The following F13A1 variants were observed in gnomAD, a reference collection of about 807,000 sequenced individuals.
The protein encoded by F13A1 is coagulation factor XIII A chain, also known as FSF, A subunit.
In F13A1, 47 loss-of-function variants were observed where a neutral mutation model predicts 80.1. The ratio of observed to expected loss-of-function variants is 0.59; its 90% confidence interval spans 0.46 to 0.75. The LOEUF (loss-of-function observed/expected upper bound fraction) is 0.75. Ranked by LOEUF, F13A1 falls within the 30% of genes least tolerant of loss-of-function variation. F13A1 has a pLI of 0.00. For missense variants in F13A1, 817 were observed against 930.4 expected, an observed-to-expected ratio of 0.88 and a Z score of 1.59; for synonymous variants, 349 against 344.9, an observed-to-expected ratio of 1.01 and a Z score of -0.13.
At position 6,156,093 on chromosome 6, in the gene F13A1, C is replaced by T. The variant is rs116751551; in HGVS notation, c.1909-4144G>A. ...ATAAAGCATATGTCTTACTTGGTGA[C>T]GTCAAATGCTTTTGCATATACTTGA... is the stretch of plus-strand genomic sequence containing the variant. On this transcript the variant is annotated intron_variant, in intron 13 of 14. Coordinates refer to ENST00000264870, the MANE Select transcript of F13A1 (RefSeq NM_000129.4). Among the ~76,000 whole-genome samples the T allele has an allele frequency of 8.4e-3, 1,274 of 152,268 alleles. 6 individuals carry two copies. Among genetic ancestry groups the T allele is most frequent in the Non-Finnish European group, 0.013 (872 of 68,006 alleles).
chr6:6,242,475 G>C (rs1432110884), intron 6 of F13A1, among the ~76,000 whole-genome samples: 1 of 152,138 alleles, frequency 6.6e-6, no homozygotes, highest in Admixed American at 6.5e-5. Flanking sequence ...GATAGTCCAG[G>C]ATGGCAGCAG....
chr6:6,145,972 A>G (rs1164967318), intron 14 of F13A1, among the ~76,000 whole-genome samples, 200 bp from the exon 15 acceptor site: 1 of 152,140 alleles, frequency 6.6e-6, no homozygotes, highest in Non-Finnish European at 1.5e-5. Flanking sequence ...CCTGTCACTG[A>G]CAGTCTTATT....
chr6:6,298,054 C>T (rs918505096), intron 3 of F13A1, among the ~76,000 whole-genome samples: 1 of 150,770 alleles, frequency 6.6e-6, no homozygotes, highest in South Asian at 2.1e-4. Context: ...GTAGTTGAGC[C>T]GTTTTGAGTG....
intron 13 of F13A1, among the ~76,000 whole-genome samples, chr6:6,158,010 G>C (rs1465726373): frequency 6.6e-6 from 1 of 152,106 alleles, no homozygotes; most frequent in Non-Finnish European, 1.5e-5. Context: ...CATCTATCCT[G>C]GCTAAGGGCA....
chr6:6,293,395 C>T (rs1758251728), intron 3 of F13A1, among the ~76,000 whole-genome samples: 1 of 152,014 alleles, frequency 6.6e-6, no homozygotes, highest in Non-Finnish European at 1.5e-5. Flanking sequence ...CCTGTGATTA[C>T]CACTCCCCTC....
chr6:6,281,803 C>T (rs986557438), intron 3 of F13A1, among the ~76,000 whole-genome samples: 7 of 151,798 alleles, frequency 4.6e-5, no homozygotes, highest in South Asian at 2.1e-4. Context: ...ACCATCCTGG[C>T]GAACTTGGTG....
At chr6:6,198,094 GAC>G in intron 8 of F13A1, among the ~76,000 whole-genome samples, 1 of 152,180 alleles carries the variant, frequency 6.6e-6, no homozygotes, top group Admixed American at 6.5e-5. Context: ...TGTGGTCTTA[GAC>G]TATTACTGTA....
At chr6:6,168,551 A>G (rs1760717024) in intron 12 of F13A1, among the ~76,000 whole-genome samples, 1 of 152,206 alleles carries the variant, frequency 6.6e-6, no homozygotes, top group Non-Finnish European at 1.5e-5. Flanking sequence ...CCGCAGGTGA[A>G]TGGGTGACTC....
chr6:6,212,934 G>A (rs1761645822), intron 8 of F13A1, among the ~76,000 whole-genome samples: 1 of 152,140 alleles, frequency 6.6e-6, no homozygotes, highest in Admixed American at 6.5e-5. Flanking sequence ...TATCAGCGAT[G>A]GAAGATGAAA....
intron 3 of F13A1, chr6:6,305,076 ATTTG>A (rs1758492944): frequency 4.1e-6 from 2 of 490,320 alleles, no homozygotes; most frequent in Admixed American, 3.3e-5. Flanking sequence ...TGCCAAAACC[ATTTG>A]TTTGAGGAAG....
chr6:6,199,844 A>G (rs1480057728), intron 8 of F13A1, among the ~76,000 whole-genome samples: 1 of 152,152 alleles, frequency 6.6e-6, no homozygotes, highest in South Asian at 2.1e-4. Flanking sequence ...AAGAACTGCA[A>G]TAGTGGACCA....
At chr6:6,169,327 T>A (rs1256880857) in intron 12 of F13A1, 2 of 153,756 alleles carry the variant, frequency 1.3e-5, no homozygotes, top group Non-Finnish European at 2.9e-5. Context: ...AGCACCATCA[T>A]CACCTGGGAG....
At chr6:6,175,824 T>C (rs1002662981) in intron 11 of F13A1, among the ~76,000 whole-genome samples, 7 of 152,108 alleles carry the variant, frequency 4.6e-5, no homozygotes, top group African/African-American at 1.7e-4. Context: ...TGCAAAGTGG[T>C]TGTGGTGGAG....
chr6:6,300,977 C>A (rs181033300), intron 3 of F13A1, among the ~76,000 whole-genome samples: 1 of 152,126 alleles, frequency 6.6e-6, no homozygotes. Context: ...AAATTATATT[C>A]TTTTTCGTTT....
At position 6,212,080 on chromosome 6, in the gene F13A1, A is replaced by T. The variant is rs539715037; in HGVS notation, c.1112+9953T>A. Among the ~76,000 whole-genome samples, 7 of 152,380 alleles carry T rather than the reference A, an allele frequency of 4.6e-5. No individual in the cohort carries two copies. In the East Asian group the frequency reaches 1.2e-3, roughly 25 times the overall value. On this transcript the variant is annotated intron_variant, in intron 8 of 14. Transcript: ENST00000264870. Reference sequence around the variant, plus strand: ...GCACAGCAGTCTGAGATCAAACAGCAAAGCAGCAGCAAGGCTGGCGGAGGG... The same window carrying T: ...GCACAGCAGTCTGAGATCAAACAGCTAAGCAGCAGCAAGGCTGGCGGAGGG...
At chr6:6,161,107 C>G (rs1760565340) in intron 13 of F13A1, among the ~76,000 whole-genome samples, 1 of 152,158 alleles carries the variant, frequency 6.6e-6, no homozygotes, top group South Asian at 2.1e-4. Context: ...ATTGGAGGAA[C>G]ATGTGAGTGT....
intron 11 of F13A1, among the ~76,000 whole-genome samples, chr6:6,176,028 A>C (rs183785142): frequency 6.6e-6 from 1 of 152,314 alleles, no homozygotes; most frequent in East Asian, 1.9e-4. Flanking sequence ...GCTCATGCAG[A>C]TGTGAGGGAT....
At chr6:6,259,952 C>T (rs1757756166) in intron 4 of F13A1, among the ~76,000 whole-genome samples, 1 of 152,162 alleles carries the variant, frequency 6.6e-6, no homozygotes, top group South Asian at 2.1e-4. Flanking sequence ...TGCTAGACTA[C>T]CAAACTGGAA....
At chr6:6,151,756 G>C (rs529431977) in intron 14 of F13A1, 57 bp downstream of exon 14, 132 of 1,610,734 alleles carry the variant, frequency 8.2e-5, no homozygotes, top group Non-Finnish European at 1.0e-4. Context: ...GACACACACA[G>C]AGAAAGCTTC....
Sources: allele counts gnomAD v4.1 joint callset (sites outside exome capture counted in the v4.1 genomes callset), GRCh38; gene constraint gnomAD v4.1.1; transcripts MANE v1.5; gene names NCBI Gene and HGNC (gene_info 2026-07-23, HGNC 2026-07-21).